The following CCDC77 variants were observed in gnomAD, a reference collection of about 807,000 sequenced individuals.
CCDC77 encodes the protein coiled-coil domain containing 77.
In CCDC77, 56 loss-of-function variants were observed where a neutral mutation model predicts 66.8. The observed-to-expected ratio is 0.84, with a 90% CI of 0.68 to 1.05. The LOEUF (loss-of-function observed/expected upper bound fraction) is 1.05, where lower values mean the gene tolerates loss of function less well. Ranked by LOEUF, CCDC77 falls within the 50% of genes least tolerant of loss-of-function variation. The pLI is 0.00. For synonymous variants in CCDC77, 196 were observed against 195.2 expected, an observed-to-expected ratio of 1.00 and a Z score of -0.03; for missense variants, 570 against 576.8, an observed-to-expected ratio of 0.99 and a Z score of 0.12.
rs776738296 is a variant in CCDC77 at position 441,874 on chromosome 12, T to C, written c.1421T>C (p.Leu474Pro). 1.2e-6 allele frequency: 2 copies of C among 1,614,078 alleles called. No individual in the cohort carries two copies. Among genetic ancestry groups the C allele is most frequent in the South Asian group, 1.1e-5 (1 of 91,072 alleles). The change falls in exon 13 of 13, where the codon CTT (leucine) becomes CCT (proline). Residue 474 changes from leucine to proline, a missense_variant. Transcript: ENST00000239830. ...AHKIQGELKN[L>P]KSKVFGLENE... ...AAGATACAAGGAGAACTGAAGAATC[T>C]TAAGTCGAAAGTGTTTGGTCTGGAG...
intron 1 of CCDC77, among the ~76,000 whole-genome samples, chr12:392,376 A>G (rs1247308862): frequency 3.9e-5 from 6 of 152,198 alleles, no homozygotes; most frequent in Non-Finnish European, 8.8e-5. Context: ...TCTTAAACAA[A>G]TGTCATTTTA....
chr12:414,877 G>A (rs1207009425), intron 4 of CCDC77, among the ~76,000 whole-genome samples: 9 of 152,066 alleles, frequency 5.9e-5, no homozygotes, highest in African/African-American at 2.2e-4. Flanking sequence ...TGTCCTCCTT[G>A]CCAGTACCTG....
intron 1 of CCDC77, among the ~76,000 whole-genome samples, chr12:404,729 T>C (rs1341023381): frequency 6.6e-6 from 1 of 151,726 alleles, no homozygotes; most frequent in Non-Finnish European, 1.5e-5. Flanking sequence ...TACTTTTTTT[T>C]TTTTTTTTTT....
intron 2 of CCDC77, 48 bp from the exon 3 acceptor site, chr12:409,320 A>G: frequency 1.4e-6 from 2 of 1,387,878 alleles, no homozygotes; most frequent in Non-Finnish European, 2.0e-6. Flanking sequence ...TACTGTTTTT[A>G]TTTTTCTATT....
intron 5 of CCDC77, among the ~76,000 whole-genome samples, chr12:426,442 T>C (rs1354857347): frequency 6.6e-6 from 1 of 152,160 alleles, no homozygotes; most frequent in Non-Finnish European, 1.5e-5. Flanking sequence ...TGGTTTTGTA[T>C]GGGTCATACT....
chr12:408,351 C>A (rs1945038915), intron 2 of CCDC77, among the ~76,000 whole-genome samples: 1 of 152,094 alleles, frequency 6.6e-6, no homozygotes, highest in Non-Finnish European at 1.5e-5. Flanking sequence ...AGCTCAAGAT[C>A]TTGGGTTATC....
chr12:408,722 A>G (rs547703297), intron 2 of CCDC77, among the ~76,000 whole-genome samples: 5 of 152,300 alleles, frequency 3.3e-5, no homozygotes, highest in South Asian at 2.1e-4. Context: ...CTCCTATCCT[A>G]TAACTTCAAG....
At chr12:430,866 G>A in intron 7 of CCDC77, 130 bp downstream of exon 7, 1 of 702,218 alleles carries the variant, frequency 1.4e-6, no homozygotes, top group East Asian at 2.8e-5. Context: ...ATCACCTGAG[G>A]TCAGGAGTTC....
intron 2 of CCDC77, among the ~76,000 whole-genome samples, chr12:407,690 G>T (rs1304094489): frequency 6.6e-6 from 1 of 152,110 alleles, no homozygotes; most frequent in African/African-American, 2.4e-5. Flanking sequence ...AGGCACTGTG[G>T]GGTTCTGAGC....
chr12:402,601 T>G (rs1455227636), intron 1 of CCDC77, among the ~76,000 whole-genome samples: 1 of 152,200 alleles, frequency 6.6e-6, no homozygotes, highest in Admixed American at 6.5e-5. Context: ...AAAGTTAGGT[T>G]TGGCCCTTAT....
intron 7 of CCDC77, 57 bp downstream of exon 7, chr12:430,793 T>A (rs1829366529): frequency 2.1e-6 from 3 of 1,420,526 alleles, no homozygotes; most frequent in Admixed American, 3.4e-5. Flanking sequence ...AAAATCACAG[T>A]GCAGGCTGGG....
At chr12:433,464 T>A in intron 9 of CCDC77, 142 bp downstream of exon 9, 1 of 1,443,668 alleles carries the variant, frequency 6.9e-7, no homozygotes, top group Non-Finnish European at 9.1e-7. Context: ...AACCCCCGCC[T>A]CTACGTAGGT....
chr12:404,331 A>G (rs939955223), intron 1 of CCDC77, among the ~76,000 whole-genome samples: 4 of 152,210 alleles, frequency 2.6e-5, no homozygotes, highest in Non-Finnish European at 5.9e-5. Flanking sequence ...AAATAAATAA[A>G]TAAATAGGTA....
intron 3 of CCDC77, among the ~76,000 whole-genome samples, chr12:410,030 A>G (rs1187757535): frequency 6.6e-6 from 1 of 151,772 alleles, no homozygotes; most frequent in African/African-American, 2.4e-5. Flanking sequence ...TAAGTAAACT[A>G]GTATTTCTCT....
intron 5 of CCDC77, 107 bp from the exon 6 acceptor site, chr12:428,662 G>T (rs11062934): frequency 0.39 from 239,177 of 613,910 alleles, 51,429 homozygotes; most frequent in Non-Finnish European, 0.45. Context: ...TTAATTTGGG[G>T]TTACAATTGT....
At chr12:434,434 C>A (rs1945710849) in intron 9 of CCDC77, among the ~76,000 whole-genome samples, 1 of 151,484 alleles carries the variant, frequency 6.6e-6, no homozygotes, top group African/African-American at 2.4e-5. Flanking sequence ...TTCCCTGCAA[C>A]CGCTGCCTCC....
intron 1 of CCDC77, among the ~76,000 whole-genome samples, chr12:403,907 A>T (rs2137534220): frequency 6.6e-6 from 1 of 152,344 alleles, no homozygotes; most frequent in East Asian, 1.9e-4. Context: ...CCTCGCACCA[A>T]GCAGGTGGGA....
chr12:416,350 T>C (rs1181528958), intron 4 of CCDC77, among the ~76,000 whole-genome samples: 1 of 28,946 alleles, frequency 3.5e-5, no homozygotes, highest in Non-Finnish European at 6.1e-5. Context: ...TGGGGGTGTG[T>C]GTGTGTGTGT....
intron 5 of CCDC77, chr12:418,959 G>A (rs747126288): frequency 6.5e-5 from 16 of 246,128 alleles, no homozygotes; most frequent in Admixed American, 1.5e-4. Flanking sequence ...TCAGCCTCCC[G>A]AAGTGTTGGG....
Sources: allele counts gnomAD v4.1 joint callset (sites outside exome capture counted in the v4.1 genomes callset), GRCh38; gene constraint gnomAD v4.1.1; transcripts MANE v1.5; gene names NCBI Gene and HGNC (gene_info 2026-07-23, HGNC 2026-07-21).